CRLF2: variants seen among roughly 807,000 people sequenced by gnomAD.
The protein encoded by CRLF2 is cytokine receptor like factor 2, also known as cytokine receptor-like factor 2.
CRLF2 carries 41 observed loss-of-function variants against 38.7 expected under a neutral mutation model. The ratio of observed to expected loss-of-function variants is 1.06; its 90% CI spans 0.83 to 1.37. The LOEUF (loss-of-function observed/expected upper bound fraction) is 1.37, where lower values mean the gene tolerates loss of function less well. Among genes scored for constraint, CRLF2 ranks in the 40% most tolerant of loss-of-function variants. CRLF2 has a pLI of 0.00. For missense variants in CRLF2, 377 were observed against 322.2 expected (o/e 1.17, Z -1.30); for synonymous variants, 140 against 128.8 (o/e 1.09, Z -0.59).
intron 7 of CRLF2, among the ~76,000 whole-genome samples, chrX:1,191,750 C>T (rs1183229528): frequency 0.01 from 1,531 of 151,404 alleles, 7 homozygotes; most frequent in Non-Finnish European, 0.017. Flanking sequence ...AGGCTGGACT[C>T]GAACTCCCGA....
At chrX:1,200,380 G>A (rs2086581408) in intron 4 of CRLF2, among the ~76,000 whole-genome samples, 1 of 143,132 alleles carries the variant, frequency 7.0e-6, no homozygotes, top group African/African-American at 2.6e-5. Flanking sequence ...GTGTATATAA[G>A]GTATGTATAT....
At chrX:1,191,498 G>A (rs1245486243) in intron 7 of CRLF2, among the ~76,000 whole-genome samples, 4 of 151,248 alleles carry the variant, frequency 2.6e-5, no homozygotes, top group African/African-American at 9.7e-5. Context: ...GGGCATCCAG[G>A]AGCTCTGACA....
intron 2 of CRLF2, among the ~76,000 whole-genome samples, chrX:1,207,157 G>T (rs765497653): frequency 3.9e-5 from 6 of 152,062 alleles, no homozygotes; most frequent in South Asian, 4.2e-4. Context: ...TGTTGACCAG[G>T]CTGGTCTCGA....
intron 6 of CRLF2, among the ~76,000 whole-genome samples, chrX:1,194,907 C>A (rs1473384959): frequency 6.6e-6 from 1 of 152,040 alleles, no homozygotes; most frequent in Non-Finnish European, 1.5e-5. Flanking sequence ...TGGCGCGCAC[C>A]TGTAGTCCCA....
intron 3 of CRLF2, among the ~76,000 whole-genome samples, chrX:1,205,468 A>T (rs1249554664): frequency 1.3e-5 from 2 of 151,688 alleles, no homozygotes; most frequent in East Asian, 1.9e-4. Context: ...ACTGAAAAGC[A>T]TGCTGAGCTT....
At chrX:1,208,739 G>A (rs1603399760) in intron 2 of CRLF2, 67 bp downstream of exon 2, 1 of 923,546 alleles carries the variant, frequency 1.1e-6, no homozygotes, top group Non-Finnish European at 1.8e-6. Flanking sequence ...ATTCCCAATC[G>A]CTGACGGCTC....
chrX:1,194,565 G>A (rs1226456767), intron 6 of CRLF2, among the ~76,000 whole-genome samples: 42,700 of 151,634 alleles, frequency 0.28, 6,331 homozygotes, highest in Middle Eastern at 0.44. Context: ...CCACCTTGTC[G>A]ATAGGATGGG....
intron 7 of CRLF2, among the ~76,000 whole-genome samples, chrX:1,191,712 G>C (rs1286344763): frequency 1.3e-5 from 2 of 151,318 alleles, no homozygotes; most frequent in Admixed American, 6.6e-5. Context: ...TGTATTTTTA[G>C]TAGAGACGGG....
At chrX:1,204,637 C>A (rs1306105608) in intron 3 of CRLF2, among the ~76,000 whole-genome samples, 3 of 151,404 alleles carry the variant, frequency 2.0e-5, no homozygotes, top group African/African-American at 7.3e-5. Flanking sequence ...TTCCCTGCCT[C>A]AGCCTCCCGA....
intron 1 of CRLF2, among the ~76,000 whole-genome samples, chrX:1,209,458 A>C (rs1208464793): frequency 2.0e-5 from 3 of 151,526 alleles, no homozygotes; most frequent in African/African-American, 4.9e-5. Flanking sequence ...CAGCCTCCCG[A>C]GTAGCTGGGG....
In CRLF2 at chrX:1,196,892, C is replaced by A; in HGVS notation, c.655G>T (p.Ala219Ser). The A allele has an allele frequency of 6.2e-7, 1 of 1,612,832 alleles. No homozygotes were observed. The highest frequency in any genetic ancestry group is 8.5e-7 in the Non-Finnish European group (1 of 1,179,468). Residue 219 changes from alanine (A) to serine (S), a missense_variant, in exon 6 of 8, where the codon GCA (alanine) becomes TCA (serine). By Grantham distance (99) the Ala-to-Ser change is moderately conservative. Transcript: ENST00000400841. ...WQRGEIRDAC[A>S]ETPTPPKPKL... ...GGTTTGGGAGGCGTTGGTGTCTCTG[C>A]ACAGGCATCTGAAACAAAATGAAAA...
chrX:1,192,383 G>A (rs2086400291), intron 7 of CRLF2, among the ~76,000 whole-genome samples: 1 of 151,760 alleles, frequency 6.6e-6, no homozygotes, highest in Admixed American at 6.6e-5. Flanking sequence ...CAGCACTTCG[G>A]GAGGCCAAGG....
intron 3 of CRLF2, among the ~76,000 whole-genome samples, chrX:1,202,776 G>A (rs187530508): frequency 1.3e-5 from 2 of 152,018 alleles, no homozygotes; most frequent in East Asian, 1.9e-4. Context: ...TGTCTGTTAC[G>A]GGCTAAATTA....
rs1468526070 is a variant in CRLF2 at position 1,210,532 on chromosome X, C to G, written c.80-1624G>C. Among the ~76,000 whole-genome samples the G allele has an allele frequency of 2.0e-5, 3 of 151,968 alleles. No homozygotes were observed. The East Asian group carries it at 5.8e-4, about 29-fold the overall frequency. The stretch of plus-strand genomic sequence containing the variant: ...TCACCGTGTTAGCCAGGATGGTCTC[C>G]ATCTCCTGACCTTGTGATCCGCCCA... On this transcript the variant is annotated intron_variant, in intron 1 of 7. Transcript: ENST00000400841.
rs1462987584 is a variant in CRLF2, at chrX:1,197,973, G to C, written c.646+589C>G. 2.6e-5 allele frequency among the ~76,000 whole-genome samples: 4 copies of C among 152,086 alleles called. No individual in the cohort carries two copies. In the East Asian group the frequency reaches 5.8e-4, roughly 22 times the overall value. ...GCCGAGATCGCGCCACTGCACTCCA[G>C]CCTGGGCACCATGAGAATGTTTCTC... On this transcript the variant is annotated intron_variant, in intron 5 of 7. Coordinates refer to ENST00000400841, the MANE Select transcript of CRLF2 (RefSeq NM_022148.4).
intron 1 of CRLF2, among the ~76,000 whole-genome samples, chrX:1,210,111 A>AAAAAAGAAAAGAAAAG (rs1556425587): frequency 2.1e-4 from 23 of 107,854 alleles, no homozygotes; most frequent in Non-Finnish European, 3.3e-4. Context: ...ATCAAAAAAA[A>AAAAAAGAAAAGAAAAG]AAAAGAAAAG....
intron 5 of CRLF2, among the ~76,000 whole-genome samples, chrX:1,197,512 C>T (rs1185276254): frequency 6.6e-6 from 1 of 151,880 alleles, no homozygotes. Flanking sequence ...TTAAATCATG[C>T]CCCCTGAAAA....
intron 2 of CRLF2, among the ~76,000 whole-genome samples, chrX:1,208,137 C>T (rs191554378): frequency 2.0e-5 from 3 of 152,156 alleles, no homozygotes; most frequent in African/African-American, 4.8e-5. Flanking sequence ...GGGGGTAGCC[C>T]CGGGTAAGGC....
chrX:1,200,584 T>C (rs1466218790), intron 4 of CRLF2, among the ~76,000 whole-genome samples: 3 of 108,660 alleles, frequency 2.8e-5, no homozygotes, highest in Non-Finnish European at 6.1e-5. Flanking sequence ...TGTGTGTGTA[T>C]ATATGTGTGT....
Sources: gnomAD v4.1 joint callset for allele counts (sites outside exome capture counted in the v4.1 genomes callset) on GRCh38, gnomAD v4.1.1 for gene constraint, MANE v1.5 for transcripts, NCBI Gene and HGNC (gene_info 2026-07-23, HGNC 2026-07-21) for gene names.